CHCHD3: variants seen among roughly 807,000 people sequenced by gnomAD.
The protein encoded by CHCHD3 is MICOS complex subunit MIC19.
A neutral mutation model predicts 38.2 loss-of-function variants in CHCHD3; 20 were observed. That is an observed-to-expected ratio of 0.52 (90% CI 0.37 to 0.76). The LOEUF (loss-of-function observed/expected upper bound fraction) is 0.76, where lower values mean the gene tolerates loss of function less well. Ranked by LOEUF, CHCHD3 falls within the 30% of genes least tolerant of loss-of-function variation. The pLI is 0.00. For missense variants in CHCHD3, 245 were observed against 279.2 expected (o/e 0.88, Z 0.87); for synonymous variants, 82 against 100.0 (o/e 0.82, Z 1.07).
intron 2 of CHCHD3, among the ~76,000 whole-genome samples, chr7:133,042,852 T>C (rs1813870142): frequency 6.6e-6 from 1 of 152,218 alleles, no homozygotes; most frequent in African/African-American, 2.4e-5. Context: ...AAAGTTTTTT[T>C]TTGTTTGTTT....
At chr7:132,985,472 C>A (rs1314163222) in intron 3 of CHCHD3, among the ~76,000 whole-genome samples, 1 of 67,926 alleles carries the variant, frequency 1.5e-5, no homozygotes, top group Non-Finnish European at 3.0e-5. Flanking sequence ...AGCCCCTCTG[C>A]CCGGCCAGCC....
Position 133,024,655 on chromosome 7 carries a change from T to C in CHCHD3, c.170-28A>G, listed in dbSNP as rs768079576. Reference sequence around the variant, plus strand: ...AGAATCGATAAAGAGCAGAAGGAGATAAAATAGGTGACTTCTTAAAAATAA... The same window carrying C: ...AGAATCGATAAAGAGCAGAAGGAGACAAAATAGGTGACTTCTTAAAAATAA... On this transcript the variant is annotated intron_variant, in intron 2 of 7. Coordinates refer to ENST00000262570, the MANE Select transcript of CHCHD3 (RefSeq NM_017812.4). The C allele has an allele frequency of 6.1e-6, 9 of 1,481,434 alleles. No homozygotes were observed. The Admixed American group carries it at 1.3e-4, about 22-fold the overall frequency. The allele number at this position is 1,481,434 out of a possible 1,614,324, so 91.8% of individuals were successfully genotyped here.
At chr7:132,857,834 C>T (rs968138965) in intron 5 of CHCHD3, among the ~76,000 whole-genome samples, 3 of 152,092 alleles carry the variant, frequency 2.0e-5, no homozygotes, top group African/African-American at 7.2e-5. Flanking sequence ...AATTAGATAC[C>T]CCTGTGTTGA....
At chr7:132,815,822 CT>C (rs1270729204) in intron 6 of CHCHD3, among the ~76,000 whole-genome samples, 1 of 152,098 alleles carries the variant, frequency 6.6e-6, no homozygotes, top group African/African-American at 2.4e-5. Context: ...ATATATGCTT[CT>C]AAAGCAGGAG....
chr7:133,000,794 T>C (rs1033619664), intron 3 of CHCHD3, among the ~76,000 whole-genome samples: 1 of 152,170 alleles, frequency 6.6e-6, no homozygotes, highest in African/African-American at 2.4e-5. Flanking sequence ...AGATGTTATA[T>C]TTGTCACACT....
intron 4 of CHCHD3, among the ~76,000 whole-genome samples, chr7:132,922,967 T>C (rs1385719210): frequency 6.6e-6 from 1 of 152,190 alleles, no homozygotes; most frequent in African/African-American, 2.4e-5. Context: ...ACAATCATCA[T>C]GTGAAAAACC....
intron 4 of CHCHD3, among the ~76,000 whole-genome samples, chr7:132,929,152 A>C (rs1194933508): frequency 6.6e-6 from 1 of 152,068 alleles, no homozygotes; most frequent in Non-Finnish European, 1.5e-5. Context: ...TTTTTTAACC[A>C]CCTGAAACCT....
At chr7:132,794,440 A>G (rs1486725646) in intron 7 of CHCHD3, among the ~76,000 whole-genome samples, 2 of 152,218 alleles carry the variant, frequency 1.3e-5, no homozygotes, top group Admixed American at 1.3e-4. Flanking sequence ...AAAAACAAGT[A>G]AAAGAATGGA....
At chr7:133,024,410 C>T in intron 3 of CHCHD3, 136 bp downstream of exon 3, 1 of 730,074 alleles carries the variant, frequency 1.4e-6, no homozygotes. Context: ...CGAAAATGGC[C>T]AAGTTCATGT....
intron 3 of CHCHD3, among the ~76,000 whole-genome samples, chr7:132,985,678 T>G (rs868849591): frequency 5.1e-4 from 18 of 35,140 alleles, no homozygotes; most frequent in South Asian, 9.0e-4. Flanking sequence ...GGGAGGGAGG[T>G]GGGGGGGGGG....
At chr7:132,794,577 AACTTGTATTATAC>A (rs1806555303) in intron 7 of CHCHD3, among the ~76,000 whole-genome samples, 1 of 152,180 alleles carries the variant, frequency 6.6e-6, no homozygotes, top group African/African-American at 2.4e-5. Context: ...TTTTATTATT[AACTTGTATTATAC>A]ACCTCCTAAT....
chr7:132,834,941 T>C lies in CHCHD3; in HGVS notation c.524+3458A>G, dbSNP rs192466888. ...AGCAAGAATAGCAATTTCTTTTTTT[T>C]CCTCTCATTTATTTATTTATTTATT... On this transcript the variant is annotated intron_variant, in intron 6 of 7. Coordinates refer to ENST00000262570, the MANE Select transcript of CHCHD3 (RefSeq NM_017812.4). 7.4e-4 allele frequency among the ~76,000 whole-genome samples: 112 copies of C among 151,388 alleles called. 1 individual carries two copies. The East Asian group carries it at 0.012, about 17-fold the overall frequency.
chr7:132,918,441 A>G (rs182665076), intron 4 of CHCHD3, among the ~76,000 whole-genome samples: 1 of 152,324 alleles, frequency 6.6e-6, no homozygotes, highest in East Asian at 1.9e-4. Flanking sequence ...CTCAGATACA[A>G]TCGAGACCAG....
intron 4 of CHCHD3, among the ~76,000 whole-genome samples, chr7:132,912,224 T>C (rs1809970790): frequency 1.3e-5 from 2 of 152,346 alleles, no homozygotes; most frequent in South Asian, 4.1e-4. Flanking sequence ...GAAGTCTTTA[T>C]ATAACTACCA....
intron 4 of CHCHD3, chr7:132,973,269 A>C: frequency 1.0e-6 from 1 of 985,430 alleles, no homozygotes; most frequent in South Asian, 4.7e-5. Context: ...CTGGAAACTA[A>C]GAGTTTTGCT....
chr7:133,080,698 T>G (rs1236022218), intron 1 of CHCHD3, among the ~76,000 whole-genome samples: 1 of 152,166 alleles, frequency 6.6e-6, no homozygotes, highest in Non-Finnish European at 1.5e-5. Flanking sequence ...TAGCATGATA[T>G]AAAGAAATAC....
chr7:133,060,977 A>C (rs1814490867), intron 2 of CHCHD3, among the ~76,000 whole-genome samples: 1 of 152,132 alleles, frequency 6.6e-6, no homozygotes, highest in Non-Finnish European at 1.5e-5. Flanking sequence ...CTAGACAAAG[A>C]AGTTCAACAC....
chr7:132,851,931 TA>T (rs1480233451), intron 5 of CHCHD3, among the ~76,000 whole-genome samples: 1 of 152,132 alleles, frequency 6.6e-6, no homozygotes, highest in Non-Finnish European at 1.5e-5. Context: ...AGGAACTCTA[TA>T]AAACTAACAA....
chr7:132,949,844 A>G (rs947566458), intron 4 of CHCHD3, among the ~76,000 whole-genome samples: 1 of 152,158 alleles, frequency 6.6e-6, no homozygotes, highest in Non-Finnish European at 1.5e-5. Flanking sequence ...TGGTAAGGCT[A>G]CAAAGATCAT....
Sources: allele counts gnomAD v4.1 joint callset (sites outside exome capture counted in the v4.1 genomes callset), GRCh38; gene constraint gnomAD v4.1.1; transcripts MANE v1.5; gene names NCBI Gene and HGNC (gene_info 2026-07-23, HGNC 2026-07-21).